Variants in CNOT6 observed in about 807,000 individuals in gnomAD.
CNOT6 encodes the protein CCR4-NOT transcription complex subunit 6.
CNOT6 carries 12 observed loss-of-function variants against 61.2 expected under a neutral mutation model. That is an observed-to-expected ratio of 0.20 (90% CI 0.13 to 0.32). The LOEUF (loss-of-function observed/expected upper bound fraction) is 0.32, where lower values mean the gene tolerates loss of function less well. Among genes scored for constraint, CNOT6 ranks in the 10% least tolerant of loss-of-function variants. The pLI is 1.00. For synonymous variants in CNOT6, 225 were observed against 240.6 expected (o/e 0.94, Z 0.60); for missense variants, 405 against 663.9 (o/e 0.61, Z 4.28).
At chr5:180,570,592 TC>T (rs1204975505) in intron 10 of CNOT6, among the ~76,000 whole-genome samples, 4 of 152,202 alleles carry the variant, frequency 2.6e-5, no homozygotes, top group African/African-American at 9.6e-5. Flanking sequence ...AACATTAATA[TC>T]CAAGACCCAT....
chr5:180,564,000 T>G (rs985323764), intron 4 of CNOT6, among the ~76,000 whole-genome samples: 4 of 152,226 alleles, frequency 2.6e-5, no homozygotes, highest in African/African-American at 9.6e-5. Context: ...CTTTGTTCAG[T>G]ATGACTTTAA....
At position 180,547,584 on chromosome 5, in the gene CNOT6, A is replaced by G. The variant is rs544475815; in HGVS notation, c.113-2347A>G. Among the ~76,000 whole-genome samples the G allele has an allele frequency of 6.6e-5, 10 of 152,200 alleles. No homozygotes were observed. The East Asian group carries it at 1.9e-3, about 29-fold the overall frequency. ...GTCTCTCTTATTGTTTACAGCTGGG[A>G]GTCTGCTGCATTTTATCTTTGCTCC... On this transcript the variant is annotated intron_variant, in intron 2 of 11. Coordinates refer to ENST00000261951, the MANE Select transcript of CNOT6 (RefSeq NM_001370472.1).
chr5:180,533,326 A>AGG (rs1758492545), intron 2 of CNOT6, among the ~76,000 whole-genome samples: 2 of 66,528 alleles, frequency 3.0e-5, no homozygotes, highest in South Asian at 1.1e-3. Flanking sequence ...ATATATATAT[A>AGG]TATATATATA....
At chr5:180,532,387 C>G (rs1249773321) in intron 2 of CNOT6, among the ~76,000 whole-genome samples, 1 of 152,126 alleles carries the variant, frequency 6.6e-6, no homozygotes, top group African/African-American at 2.4e-5. Context: ...TCTCCTCCAC[C>G]CTCTCCTCCT....
chr5:180,569,353 T>C lies in CNOT6; in HGVS notation c.1258+13T>C, dbSNP rs775686360. On this transcript the variant is annotated intron_variant, in intron 10 of 11. Transcript: ENST00000261951. ...TTGCCAGACTCTGGTAAGAAAATAA[T>C]GTGATTTTATGTAGAATATTTTTTG... 5.3e-6 allele frequency: 8 copies of C among 1,506,940 alleles called. No homozygotes were observed. Among genetic ancestry groups the C allele is most frequent in the Non-Finnish European group, 7.4e-6 (8 of 1,086,134 alleles). The allele number at this position is 1,506,940 out of a possible 1,614,324, so 93.3% of individuals were successfully genotyped here.
chr5:180,539,405 CT>C (rs1221850650), intron 2 of CNOT6, among the ~76,000 whole-genome samples: 1 of 148,498 alleles, frequency 6.7e-6, no homozygotes, highest in African/African-American at 2.5e-5. Flanking sequence ...ATTTTTTGTT[CT>C]TTTCTTGCTT....
chr5:180,573,958 G>A (rs755078273), intron 11 of CNOT6, 30 bp from the exon 12 acceptor site: 3 of 1,458,410 alleles, frequency 2.1e-6, no homozygotes, highest in Admixed American at 1.7e-5. Flanking sequence ...GTCTTATACG[G>A]TGCTTATCTT....
At chr5:180,495,803 C>T (rs985370357) in intron 1 of CNOT6, 1 of 152,350 alleles carries the variant, frequency 6.6e-6, no homozygotes, top group East Asian at 1.9e-4. Flanking sequence ...GAATTTACTA[C>T]TCTAGAACAG....
At chr5:180,496,268 T>G (rs1756609605) in intron 1 of CNOT6, among the ~76,000 whole-genome samples, 1 of 152,184 alleles carries the variant, frequency 6.6e-6, no homozygotes. Context: ...TTAATATCTT[T>G]AGATCTGTGA....
At chr5:180,567,479 A>G (rs988941420) in intron 8 of CNOT6, among the ~76,000 whole-genome samples, 5 of 152,216 alleles carry the variant, frequency 3.3e-5, no homozygotes, top group Non-Finnish European at 7.3e-5. Context: ...TTAACTCCCA[A>G]TTGTTAATTG....
chr5:180,520,354 A>AGGGCCT (rs1294524817), intron 1 of CNOT6, among the ~76,000 whole-genome samples: 3 of 152,120 alleles, frequency 2.0e-5, no homozygotes, highest in South Asian at 4.1e-4. Context: ...TTAAAAGTTA[A>AGGGCCT]GGGCCTGGGC....
intron 2 of CNOT6, among the ~76,000 whole-genome samples, chr5:180,544,115 C>T (rs1368603062): frequency 6.6e-6 from 1 of 152,202 alleles, no homozygotes; most frequent in African/African-American, 2.4e-5. Flanking sequence ...CTGGCCATGA[C>T]TTTGTTTTTT....
At chr5:180,522,628 AT>A (rs996039691) in intron 1 of CNOT6, among the ~76,000 whole-genome samples, 39 of 151,578 alleles carry the variant, frequency 2.6e-4, no homozygotes, top group Non-Finnish European at 2.9e-5. Flanking sequence ...TATGTGGAGC[AT>A]TTTTTCATGT....
chr5:180,514,351 G>A (rs1757538806), intron 1 of CNOT6, among the ~76,000 whole-genome samples: 1 of 152,184 alleles, frequency 6.6e-6, no homozygotes, highest in Non-Finnish European at 1.5e-5. Flanking sequence ...GAAGCTGGAA[G>A]GCAGAGGTTG....
intron 2 of CNOT6, among the ~76,000 whole-genome samples, chr5:180,549,641 T>TC: frequency 6.6e-6 from 1 of 151,200 alleles, no homozygotes; most frequent in Non-Finnish European, 1.5e-5. Context: ...AGAGCGAGAC[T>TC]CCGTTTCAAA....
At chr5:180,529,066 C>T (rs375662069) in intron 1 of CNOT6, among the ~76,000 whole-genome samples, 3 of 151,850 alleles carry the variant, frequency 2.0e-5, no homozygotes, top group African/African-American at 7.3e-5. Flanking sequence ...AAAATGAGCC[C>T]GGCATGGTGG....
chr5:180,564,074 A>T (rs1760327693), intron 4 of CNOT6, among the ~76,000 whole-genome samples: 1 of 152,220 alleles, frequency 6.6e-6, no homozygotes. Flanking sequence ...GTGACATTGT[A>T]GAGTTTTGAT....
At chr5:180,570,330 C>G (rs1364813423) in intron 10 of CNOT6, among the ~76,000 whole-genome samples, 2 of 151,948 alleles carry the variant, frequency 1.3e-5, no homozygotes, top group Admixed American at 1.3e-4. Context: ...TGCACTTCAG[C>G]CTGGGTGACA....
intron 1 of CNOT6, among the ~76,000 whole-genome samples, chr5:180,528,089 A>T (rs1690422109): frequency 6.6e-6 from 1 of 151,844 alleles, no homozygotes; most frequent in Non-Finnish European, 1.5e-5. Context: ...TTGTAGCCTG[A>T]CTATCCATTT....
Sources: allele counts gnomAD v4.1 joint callset (sites outside exome capture counted in the v4.1 genomes callset), GRCh38; gene constraint gnomAD v4.1.1; transcripts MANE v1.5; gene names NCBI Gene and HGNC (gene_info 2026-07-23, HGNC 2026-07-21).